Variants in DIAPH2 observed in about 807,000 individuals in gnomAD.
DIAPH2 encodes diaphanous related formin 2.
A neutral mutation model predicts 92.7 loss-of-function variants in DIAPH2; 35 were observed. The ratio of observed to expected loss-of-function variants is 0.38; its 90% confidence interval spans 0.29 to 0.50. DIAPH2 has a LOEUF of 0.50. Ranked by LOEUF, DIAPH2 falls within the 20% of genes least tolerant of loss-of-function variation. The pLI, the probability that DIAPH2 is intolerant of heterozygous loss-of-function variation, is 0.94. For synonymous variants in DIAPH2, 301 were observed against 280.4 expected (o/e 1.07, Z -0.73); for missense variants, 701 against 819.5 (o/e 0.86, Z 1.77).
At chrX:97,019,774 GT>G (rs72533221) in intron 17 of DIAPH2, among the ~76,000 whole-genome samples, 43,480 of 109,935 alleles carry the variant, frequency 0.4, 6,548 homozygotes, top group South Asian at 0.52. Context: ...TCTAACATTA[GT>G]TTTTATCCAT....
intron 17 of DIAPH2, among the ~76,000 whole-genome samples, chrX:96,999,558 G>C (rs1274895918): frequency 3.7e-5 from 4 of 108,639 alleles, no homozygotes; most frequent in Non-Finnish European, 7.6e-5. Flanking sequence ...GATGACTTGT[G>C]TGGTAGTACT....
rs55777162 is a variant in DIAPH2, at chrX:96,714,390, G to A, written c.133-21368G>A. On this transcript the variant is annotated intron_variant, in intron 1 of 26. Transcript: ENST00000324765. ...AGCCATTCTTCTGCCTCAGCCTCCCGAGTAGCTGGGATTACAGGCATGCGC... is the reference window on the plus strand; with the variant it reads ...AGCCATTCTTCTGCCTCAGCCTCCCAAGTAGCTGGGATTACAGGCATGCGC... 4.8e-3 allele frequency among the ~76,000 whole-genome samples: 516 copies of A among 107,039 alleles called. 1 individual carries two copies. Among genetic ancestry groups the A allele is most frequent in the Middle Eastern group, 0.03 (6 of 199 alleles). The allele number at this position is 107,039 out of a possible 115,157, so 93.0% of individuals were successfully genotyped here. A position where few individuals can be genotyped will look rare whatever the true frequency, so the allele number is the denominator to read the frequency against.
intron 26 of DIAPH2, among the ~76,000 whole-genome samples, chrX:97,449,443 A>G (rs2147792524): frequency 8.9e-6 from 1 of 112,129 alleles, no homozygotes; most frequent in South Asian, 3.7e-4. Context: ...TTTATTACAA[A>G]TGCCTTTTGT....
intron 4 of DIAPH2, among the ~76,000 whole-genome samples, chrX:96,856,770 C>G (rs1485469288): frequency 9.0e-6 from 1 of 110,677 alleles, no homozygotes; most frequent in Non-Finnish European, 1.9e-5. Context: ...GGCGCAATGG[C>G]TCATCCCTGT....
At chrX:96,982,628 A>G (rs746986268) in intron 17 of DIAPH2, among the ~76,000 whole-genome samples, 8 of 112,251 alleles carry the variant, frequency 7.1e-5, no homozygotes, top group African/African-American at 2.6e-4. Context: ...CACTCCTCTC[A>G]TAGGTTTTAC....
At chrX:96,720,407 C>T (rs920091632) in intron 1 of DIAPH2, among the ~76,000 whole-genome samples, 1 of 111,574 alleles carries the variant, frequency 9.0e-6, no homozygotes, top group Non-Finnish European at 1.9e-5. Context: ...TTATTACTTA[C>T]ACTCGAAGAG....
At chrX:96,898,542 T>G (rs1453293874) in intron 5 of DIAPH2, among the ~76,000 whole-genome samples, 2 of 99,510 alleles carry the variant, frequency 2.0e-5, no homozygotes, top group Non-Finnish European at 4.2e-5. Context: ...AAGTGTCTGT[T>G]CATGTCCTTC....
intron 26 of DIAPH2, chrX:97,533,055 A>G (rs1293796518): frequency 1.8e-5 from 2 of 111,149 alleles, no homozygotes; most frequent in African/African-American, 6.5e-5. Flanking sequence ...TTGAATTTTG[A>G]ACATAAAAGT....
chrX:97,456,116 G>A (rs149732100), intron 26 of DIAPH2, among the ~76,000 whole-genome samples: 1,390 of 112,403 alleles, frequency 0.012, 20 homozygotes, highest in African/African-American at 0.042. Context: ...GGCCGGGCGC[G>A]GTGGCTCACG....
chrX:96,817,220 C>T (rs993412104), intron 4 of DIAPH2, among the ~76,000 whole-genome samples: 6 of 111,657 alleles, frequency 5.4e-5, no homozygotes, highest in Admixed American at 9.5e-5. Flanking sequence ...ACTAACTAAA[C>T]GTGTATAATT....
intron 2 of DIAPH2, among the ~76,000 whole-genome samples, chrX:96,736,968 T>G (rs201600451): frequency 8.9e-6 from 1 of 112,301 alleles, no homozygotes. Flanking sequence ...TATTTTGGAT[T>G]ACTTAACTTT....
At chrX:97,483,882 G>A (rs185554883) in intron 26 of DIAPH2, among the ~76,000 whole-genome samples, 144 of 111,648 alleles carry the variant, frequency 1.3e-3, no homozygotes, top group African/African-American at 4.1e-3. Context: ...ACCCTCAAAT[G>A]TATGACTTAT....
At chrX:96,785,348 A>G (rs970734829) in intron 4 of DIAPH2, among the ~76,000 whole-genome samples, 1 of 110,625 alleles carries the variant, frequency 9.0e-6, no homozygotes, top group Admixed American at 9.7e-5. Context: ...AGGAAGTCCA[A>G]GATGAAGGTG....
At chrX:96,838,433 G>T (rs749379839) in intron 4 of DIAPH2, among the ~76,000 whole-genome samples, 30 of 111,892 alleles carry the variant, frequency 2.7e-4, no homozygotes, top group African/African-American at 9.7e-4. Context: ...ACATTTTCAT[G>T]ATGCCAAAAT....
chrX:97,112,765 CTTTTTTTTTTTTTT>C (rs60721723), intron 20 of DIAPH2, among the ~76,000 whole-genome samples: 3 of 37,238 alleles, frequency 8.1e-5, no homozygotes, highest in African/African-American at 3.6e-4. Flanking sequence ...CCCTTTCTTT[CTTTTTTTTTTTTTT>C]TTTTTTTTTT....
At chrX:96,782,728 C>T (rs1206148355) in intron 4 of DIAPH2, among the ~76,000 whole-genome samples, 1 of 111,441 alleles carries the variant, frequency 9.0e-6, no homozygotes, top group East Asian at 2.8e-4. Flanking sequence ...GCTGCTACTC[C>T]TGGCCAATAT....
chrX:97,117,145 G>T (rs1457106818), intron 21 of DIAPH2, among the ~76,000 whole-genome samples: 2 of 109,264 alleles, frequency 1.8e-5, no homozygotes, highest in Non-Finnish European at 3.8e-5. Flanking sequence ...TTTATCTTCT[G>T]GGAAATTTTC....
At chrX:97,196,219 TACACAC>T (rs59276561) in intron 22 of DIAPH2, among the ~76,000 whole-genome samples, 35,346 of 104,528 alleles carry the variant, frequency 0.34, 4,908 homozygotes, top group East Asian at 0.63. Context: ...CACACATACA[TACACAC>T]ACACACACAC....
In DIAPH2 at chrX:97,072,648, T is replaced by C. The variant is rs2066676811; in HGVS notation, c.2051-293T>C. Among the ~76,000 whole-genome samples, 2 of 112,240 alleles carry C rather than the reference T, an allele frequency of 1.8e-5. 1 individual carries two copies. Among genetic ancestry groups the C allele is most frequent in the Admixed American group, 1.9e-4 (2 of 10,589 alleles). On this transcript the variant is annotated intron_variant, in intron 17 of 26. Coordinates refer to ENST00000324765, the MANE Select transcript of DIAPH2 (RefSeq NM_006729.5). ...ACTATATATTTAATTCCAGTACTGC[T>C]GTAGGTACCTGGTAAAGGAGTAATT... is the stretch of plus-strand genomic sequence containing the variant.
Sources: gnomAD v4.1 joint callset for allele counts (sites outside exome capture counted in the v4.1 genomes callset) on GRCh38, gnomAD v4.1.1 for gene constraint, MANE v1.5 for transcripts, NCBI Gene and HGNC (gene_info 2026-07-23, HGNC 2026-07-21) for gene names.